The following PRKACB variants were observed in gnomAD, a reference collection of about 807,000 sequenced individuals.
The protein encoded by PRKACB is protein kinase cAMP-activated catalytic subunit beta.
A neutral mutation model predicts 51.4 loss-of-function variants in PRKACB; 16 were observed. The observed-to-expected ratio is 0.31, with a 90% CI of 0.21 to 0.47. The LOEUF is 0.47. Ranked by LOEUF, PRKACB falls within the 20% of genes least tolerant of loss-of-function variation. PRKACB has a pLI of 1.00. For missense variants in PRKACB, 309 were observed against 464.5 expected (o/e 0.67, Z 3.08); for synonymous variants, 147 against 154.4 (o/e 0.95, Z 0.35).
intron 8 of PRKACB, among the ~76,000 whole-genome samples, chr1:84,211,205 A>G (rs1051557415): frequency 2.0e-5 from 3 of 151,986 alleles, no homozygotes; most frequent in African/African-American, 4.8e-5. Context: ...AAAGAATTAC[A>G]TTATTTAGAT....
In PRKACB at chr1:84,214,279, T is replaced by C. The variant is rs1385850847; in HGVS notation, c.1033T>C (p.Phe345Leu). The C allele has an allele frequency of 1.9e-6, 3 of 1,611,620 alleles. No individual in the cohort carries two copies. The highest frequency in any genetic ancestry group is 2.5e-6 in the Non-Finnish European group (3 of 1,179,088). The change falls in exon 9 of 10, where the codon TTT becomes CTT. Residue 345 changes from phenylalanine (F) to leucine (L), a missense_variant. Coordinates refer to ENST00000370685, the MANE Select transcript of PRKACB (RefSeq NM_182948.4). ...CAGTGATATAAAAACTCACAAGTGG[T>C]TTGCCACGACAGATTGGATTGCTAT... ...GVSDIKTHKW[F>L]ATTDWIAIYQ...
chr1:84,140,918 C>T (rs1653338927), upstream of PRKACB, among the ~76,000 whole-genome samples: 1 of 151,998 alleles, frequency 6.6e-6, no homozygotes, highest in Non-Finnish European at 1.5e-5. Flanking sequence ...GATAATAATA[C>T]CTGTGCTGCT....
chr1:84,168,543 A>G (rs1345955184), intron 1 of PRKACB, among the ~76,000 whole-genome samples: 1 of 151,544 alleles, frequency 6.6e-6, no homozygotes, highest in Non-Finnish European at 1.5e-5. Flanking sequence ...ACACTTCATT[A>G]ATTTCCCTTT....
At chr1:84,207,642 C>T (rs984148172) in intron 8 of PRKACB, among the ~76,000 whole-genome samples, 9 of 152,138 alleles carry the variant, frequency 5.9e-5, no homozygotes, top group African/African-American at 2.2e-4. Flanking sequence ...ATTATTGCTT[C>T]TTGGCTGTAT....
chr1:84,140,400 A>T (rs538187653), upstream of PRKACB, among the ~76,000 whole-genome samples: 1 of 152,206 alleles, frequency 6.6e-6, no homozygotes, highest in Non-Finnish European at 1.5e-5. Flanking sequence ...AAAATGTTGC[A>T]TAGTCTATAA....
chr1:84,228,559 C>T (rs2389717), intron 9 of PRKACB, among the ~76,000 whole-genome samples: 25,472 of 151,280 alleles, frequency 0.17, 2,387 homozygotes, highest in South Asian at 0.31. Context: ...CAAATGTATT[C>T]AGTACCCACA....
At chr1:84,088,929 A>G (rs972481076) in intron 1 of PRKACB, among the ~76,000 whole-genome samples, 1 of 152,312 alleles carries the variant, frequency 6.6e-6, no homozygotes, top group Non-Finnish European at 1.5e-5. Flanking sequence ...AGGAGTTTAT[A>G]GAGGAGTAGT....
At chr1:84,170,186 G>A (rs980692637) in intron 1 of PRKACB, among the ~76,000 whole-genome samples, 21 of 151,612 alleles carry the variant, frequency 1.4e-4, no homozygotes, top group South Asian at 4.1e-4. Context: ...TGGGGCTTTC[G>A]TTTAAAATGG....
At chr1:84,235,039 G>A (rs1359402618) in intron 9 of PRKACB, 141 bp from the exon 10 acceptor site, 5 of 839,396 alleles carry the variant, frequency 6.0e-6, no homozygotes, top group Non-Finnish European at 1.8e-6. Flanking sequence ...GCTTCTTCTA[G>A]CACTATTATA....
chr1:84,084,003 A>G (rs748210581), intron 1 of PRKACB, among the ~76,000 whole-genome samples: 2 of 152,190 alleles, frequency 1.3e-5, no homozygotes, highest in Non-Finnish European at 2.9e-5. Context: ...AGAAGGGGGA[A>G]GATAGACATG....
At chr1:84,223,536 AT>A (rs1002127130) in intron 9 of PRKACB, among the ~76,000 whole-genome samples, 1 of 151,454 alleles carries the variant, frequency 6.6e-6, no homozygotes, top group South Asian at 2.1e-4. Flanking sequence ...GCCCCGGCTA[AT>A]TTTTTGTATT....
intron 1 of PRKACB, among the ~76,000 whole-genome samples, chr1:84,116,965 G>A (rs59627911): frequency 0.015 from 2,297 of 151,926 alleles, 59 homozygotes; most frequent in African/African-American, 0.052. Flanking sequence ...GGCATGTATG[G>A]CCTTTATTAT....
chr1:84,200,469 C>T (rs1669785457), intron 7 of PRKACB, among the ~76,000 whole-genome samples: 1 of 152,136 alleles, frequency 6.6e-6, no homozygotes, highest in African/African-American at 2.4e-5. Context: ...TTTTGCTGTG[C>T]AGAATCTCTT....
upstream of PRKACB, among the ~76,000 whole-genome samples, chr1:84,144,044 G>T (rs1264412631): frequency 6.6e-6 from 1 of 152,012 alleles, no homozygotes; most frequent in Non-Finnish European, 1.5e-5. Context: ...AGAATGTTTA[G>T]CCTACTATAT....
chr1:84,150,981 A>G lies in PRKACB; in HGVS notation c.187+6433A>G, dbSNP rs370974814. Reference sequence around the variant, plus strand: ...TTGACAAATAAAATTGCGTATATTTATAATGTACAACATGATGGTTCAATA... The same window carrying G: ...TTGACAAATAAAATTGCGTATATTTGTAATGTACAACATGATGGTTCAATA... On this transcript the variant is annotated intron_variant, in intron 1 of 9. Coordinates refer to ENST00000370685, the MANE Select transcript of PRKACB (RefSeq NM_182948.4). Among the ~76,000 whole-genome samples, 523 of 152,328 alleles carry G rather than the reference A, an allele frequency of 3.4e-3. 6 individuals are homozygous for G. Among genetic ancestry groups the G allele is most frequent in the South Asian group, 0.018 (85 of 4,830 alleles).
intron 1 of PRKACB, among the ~76,000 whole-genome samples, chr1:84,130,213 A>AAC (rs1557986051): frequency 1.3e-5 from 2 of 150,886 alleles, no homozygotes; most frequent in African/African-American, 4.9e-5. Context: ...AAAAAAAAAA[A>AAC]AGAGAAACTC....
At chr1:84,213,878 G>A (rs1672490590) in intron 8 of PRKACB, among the ~76,000 whole-genome samples, 1 of 152,138 alleles carries the variant, frequency 6.6e-6, no homozygotes, top group Admixed American at 6.6e-5. Context: ...TTCTGTAGGT[G>A]TGCACATTTT....
At chr1:84,132,681 TAAGAA>T (rs1054176578) in intron 1 of PRKACB, among the ~76,000 whole-genome samples, 5 of 151,900 alleles carry the variant, frequency 3.3e-5, no homozygotes, top group Admixed American at 2.6e-4. Context: ...AGAGAGACAC[TAAGAA>T]AAGATCAAAA....
intron 7 of PRKACB, among the ~76,000 whole-genome samples, chr1:84,202,436 A>C (rs566145806): frequency 4.5e-4 from 69 of 152,154 alleles, no homozygotes; most frequent in Non-Finnish European, 6.3e-4. Context: ...ATTCTTAATA[A>C]TTTTAGGAAG....
Sources: gnomAD v4.1 joint callset for allele counts (sites outside exome capture counted in the v4.1 genomes callset) on GRCh38, gnomAD v4.1.1 for gene constraint, MANE v1.5 for transcripts, NCBI Gene and HGNC (gene_info 2026-07-23, HGNC 2026-07-21) for gene names.